Variants in BEND4 observed in about 807,000 individuals in gnomAD.
BEND4 encodes BEN domain containing 4.
A neutral mutation model predicts 54.7 loss-of-function variants in BEND4; 27 were observed. The observed-to-expected ratio is 0.49, with a 90% CI of 0.36 to 0.68. BEND4 has a LOEUF of 0.68. Ranked by LOEUF, BEND4 falls within the 30% of genes least tolerant of loss-of-function variation. The pLI, the probability that BEND4 is intolerant of heterozygous loss-of-function variation, is 0.00. For synonymous variants in BEND4, 327 were observed against 299.5 expected, an observed-to-expected ratio of 1.09 and a Z score of -0.95; for missense variants, 702 against 697.2, an observed-to-expected ratio of 1.01 and a Z score of -0.08.
chr4:42,143,440 C>T lies in BEND4; in HGVS notation c.1042G>A (p.Glu348Lys), dbSNP rs1381618100. 1.9e-6 allele frequency: 3 copies of T among 1,551,738 alleles called. No homozygotes were observed. Among genetic ancestry groups the T allele is most frequent in the African/African-American group, 2.7e-5 (2 of 73,048 alleles). The change falls in exon 3 of 6, where the codon GAG (glutamate) becomes AAG (lysine). Residue 348 changes from glutamate (E) to lysine (K), a missense_variant. Glu to Lys is a moderately conservative substitution (Grantham distance 56, BLOSUM62 1). Coordinates refer to ENST00000502486, the MANE Select transcript of BEND4 (RefSeq NM_207406.4). ...TATGGCAGGATACCTGGGATGCTCT[C>T]TAATTTCCTTCTGAGCTCTTCATTT... Reference protein sequence around the residue: ...QENEELRRKLESIPVPCQTVL... With the variant: ...QENEELRRKLKSIPVPCQTVL...
At chr4:42,118,953 C>T (rs1719953419) in intron 5 of BEND4, among the ~76,000 whole-genome samples, 1 of 152,190 alleles carries the variant, frequency 6.6e-6, no homozygotes, top group Admixed American at 6.5e-5. Flanking sequence ...GCATTTTCGT[C>T]TCAGGTGGCT....
At chr4:42,135,902 C>T (rs561146781) in intron 3 of BEND4, among the ~76,000 whole-genome samples, 1 of 152,290 alleles carries the variant, frequency 6.6e-6, no homozygotes, top group South Asian at 2.1e-4. Context: ...TACCAAGTAG[C>T]AGGAGAAGAG....
At chr4:42,125,319 C>T (rs192113742) in intron 4 of BEND4, among the ~76,000 whole-genome samples, 270 of 152,276 alleles carry the variant, frequency 1.8e-3, no homozygotes, top group African/African-American at 6.1e-3. Context: ...CATCTCTGTG[C>T]AAACAGAATG....
At chr4:42,136,687 C>T (rs73155327) in intron 3 of BEND4, among the ~76,000 whole-genome samples, 4,930 of 152,228 alleles carry the variant, frequency 0.032, 220 homozygotes, top group African/African-American at 0.098. Flanking sequence ...ATTTTTGTGA[C>T]TTTTGTTGGT....
At chr4:42,127,942 C>T (rs1720348093) in intron 3 of BEND4, among the ~76,000 whole-genome samples, 1 of 151,982 alleles carries the variant, frequency 6.6e-6, no homozygotes, top group South Asian at 2.1e-4. Context: ...GTGGGAGGAT[C>T]GCTTGAGCCC....
chr4:42,144,250 A>G (rs1324221133), intron 2 of BEND4, among the ~76,000 whole-genome samples: 1 of 152,148 alleles, frequency 6.6e-6, no homozygotes, highest in African/African-American at 2.4e-5. Context: ...TGGGCACCAT[A>G]TAGAGATTTC....
At chr4:42,135,685 G>C (rs1720673320) in intron 3 of BEND4, among the ~76,000 whole-genome samples, 1 of 152,146 alleles carries the variant, frequency 6.6e-6, no homozygotes, top group Admixed American at 6.5e-5. Context: ...TGAGGCAGGA[G>C]AATGGCATGA....
chr4:42,152,202 C>G lies in BEND4; in HGVS notation c.-59G>C, dbSNP rs1417748944. The G allele has an allele frequency of 1.6e-6, 2 of 1,231,152 alleles. No individual in the cohort carries two copies. The highest frequency in any genetic ancestry group is 2.0e-6 in the Non-Finnish European group (2 of 980,462). 76.3% of individuals were successfully genotyped at this position (1,231,152 alleles called of 1,614,324 possible). A position where few individuals can be genotyped will look rare whatever the true frequency, so the allele number is the denominator to read the frequency against. On this transcript the variant is annotated 5_prime_UTR_variant, in exon 2 of 6. Transcript: ENST00000502486. ...CCCCTCCCCGCCGGGCGCCGGGCTC[C>G]GAGGGTGCCTCCGCCGCCTGCCCGC...
In BEND4 at chr4:42,125,692, C is replaced by A. The variant is rs1215494152; in HGVS notation, c.1055-18G>T. On this transcript the variant is annotated intron_variant, in intron 3 of 5. Transcript: ENST00000502486. ...GCAGGGCACTGGGTGGAAGAAATGGCAACAATTACACATTGGCTATCCCGT... is the reference window on the plus strand; with the variant it reads ...GCAGGGCACTGGGTGGAAGAAATGGAAACAATTACACATTGGCTATCCCGT... 2 of 1,511,126 alleles carry A rather than the reference C, an allele frequency of 1.3e-6. No individual in the cohort carries two copies. Among genetic ancestry groups the A allele is most frequent in the South Asian group, 1.2e-5 (1 of 83,846 alleles). 93.6% of individuals were successfully genotyped at this position (1,511,126 alleles called of 1,614,324 possible). A position where few individuals can be genotyped will look rare whatever the true frequency, so the allele number is the denominator to read the frequency against.
At chr4:42,128,298 G>GTCC (rs1341488649) in intron 3 of BEND4, among the ~76,000 whole-genome samples, 1 of 152,200 alleles carries the variant, frequency 6.6e-6, no homozygotes, top group Admixed American at 6.5e-5. Flanking sequence ...AAACAAGGAT[G>GTCC]TCCTCTCTCA....
intron 4 of BEND4, among the ~76,000 whole-genome samples, chr4:42,121,396 C>T (rs569455562): frequency 1.3e-5 from 2 of 152,270 alleles, no homozygotes; most frequent in South Asian, 2.1e-4. Flanking sequence ...CAAGCAACGG[C>T]GTGATGTGGT....
At chr4:42,147,235 G>A in intron 2 of BEND4, among the ~76,000 whole-genome samples, 1 of 152,010 alleles carries the variant, frequency 6.6e-6, no homozygotes, top group East Asian at 1.9e-4. Context: ...TTGATACATG[G>A]AAGATTGTGA....
In BEND4 at chr4:42,127,440, C is replaced by T. The variant is rs183929000; in HGVS notation, c.1055-1766G>A. Among the ~76,000 whole-genome samples the T allele has an allele frequency of 3.3e-5, 5 of 152,272 alleles. No homozygotes were observed. The East Asian group carries it at 9.6e-4, about 29-fold the overall frequency. ...AAAGTTCAATAAACCTGTCAAATGGCCCTAATTTCACCAGCTTCTTAAAAG... is the reference window on the plus strand; with the variant it reads ...AAAGTTCAATAAACCTGTCAAATGGTCCTAATTTCACCAGCTTCTTAAAAG... On this transcript the variant is annotated intron_variant, in intron 3 of 5. Transcript: ENST00000502486.
chr4:42,151,927 T>C lies in BEND4; in HGVS notation c.217A>G (p.Ser73Gly). The C allele has an allele frequency of 8.0e-7, 1 of 1,255,130 alleles. No individual in the cohort carries two copies. The highest frequency in any genetic ancestry group is 3.2e-5 in the East Asian group (1 of 31,414). The allele number at this position is 1,255,130 out of a possible 1,614,324, so 77.7% of individuals were successfully genotyped here. Residue 73 changes from serine to glycine, a missense_variant, in exon 2 of 6, where the codon AGC becomes GGC. Transcript: ENST00000502486. ...TGGAACTGCTGCGGCGGCGGCTCGC[T>C]GCTGCTGATGGAGACGGCGGCGTGC... is the stretch of plus-strand genomic sequence containing the variant. The part of the protein sequence containing the change: ...APHAAVSISS[S>G]EPPPQQFQAQ...
intron 3 of BEND4, among the ~76,000 whole-genome samples, chr4:42,140,984 A>G (rs1720859915): frequency 6.6e-6 from 1 of 152,198 alleles, no homozygotes; most frequent in Admixed American, 6.5e-5. Context: ...ATAAACCCAC[A>G]GTGAACTAAG....
rs143214267 is a variant in BEND4, at chr4:42,116,631, C to G, written c.*887G>C. The G allele has an allele frequency of 6.6e-6, 1 of 152,340 alleles. No individual in the cohort carries two copies. Among genetic ancestry groups the G allele is most frequent in the East Asian group, 1.9e-4 (1 of 5,186 alleles). 9.4% of individuals were successfully genotyped at this position (152,340 alleles called of 1,614,324 possible). A position where few individuals can be genotyped will look rare whatever the true frequency, so the allele number is the denominator to read the frequency against. On this transcript the variant is annotated 3_prime_UTR_variant, in exon 6 of 6. Transcript: ENST00000502486. ...CTGTGTGTATACAATGCCAGAACATCTAGTCAATTCAGCGAATACCATCAG... is the reference window on the plus strand; with the variant it reads ...CTGTGTGTATACAATGCCAGAACATGTAGTCAATTCAGCGAATACCATCAG...
At chr4:42,134,710 C>T (rs1720635241) in intron 3 of BEND4, among the ~76,000 whole-genome samples, 1 of 152,094 alleles carries the variant, frequency 6.6e-6, no homozygotes, top group Admixed American at 6.5e-5. Context: ...TGCTTGCTTG[C>T]GAACTGTGGG....
In BEND4 at chr4:42,125,580, T is replaced by C; in HGVS notation, c.1146+3A>G. On this transcript the variant is annotated splice_donor_region_variant and intron_variant, in intron 4 of 5. Transcript: ENST00000502486. ...AACATTCACCTTTTTACCAGAGACCTACCTCTGTCGGCTGGTCAGCTGGCT... is the reference window on the plus strand; with the variant it reads ...AACATTCACCTTTTTACCAGAGACCCACCTCTGTCGGCTGGTCAGCTGGCT... 1.2e-6 allele frequency: 2 copies of C among 1,607,980 alleles called. No individual in the cohort carries two copies. Among genetic ancestry groups the C allele is most frequent in the Non-Finnish European group, 1.7e-6 (2 of 1,174,396 alleles).
At chr4:42,146,214 A>T (rs1403018409) in intron 2 of BEND4, among the ~76,000 whole-genome samples, 1 of 152,158 alleles carries the variant, frequency 6.6e-6, no homozygotes, top group Non-Finnish European at 1.5e-5. Flanking sequence ...CAATCCAAAG[A>T]CAGAGACCAT....
Sources: gnomAD v4.1 joint callset for allele counts (sites outside exome capture counted in the v4.1 genomes callset) on GRCh38, gnomAD v4.1.1 for gene constraint, MANE v1.5 for transcripts, NCBI Gene and HGNC (gene_info 2026-07-23, HGNC 2026-07-21) for gene names.